The following KIAA1217 variants were observed in gnomAD, a reference collection of about 807,000 sequenced individuals.
KIAA1217 encodes the protein sickle tail protein homolog.
A neutral mutation model predicts 163.9 loss-of-function variants in KIAA1217; 88 were observed. That is an observed-to-expected ratio of 0.54 (90% confidence interval 0.45 to 0.64). KIAA1217 has a LOEUF of 0.64. Among genes scored for constraint, KIAA1217 ranks in the 30% least tolerant of loss-of-function variants. KIAA1217 has a pLI of 0.00. For missense variants in KIAA1217, 2,372 were observed against 2,475.0 expected (o/e 0.96, Z 0.88); for synonymous variants, 903 against 923.1 (o/e 0.98, Z 0.39).
intron 2 of KIAA1217, among the ~76,000 whole-genome samples, chr10:24,017,548 G>A (rs919837691): frequency 1.3e-5 from 2 of 151,988 alleles, no homozygotes; most frequent in South Asian, 2.1e-4. Context: ...GTAACATACT[G>A]GCTTAAATTC....
intron 1 of KIAA1217, among the ~76,000 whole-genome samples, chr10:23,784,495 GT>G (rs762108741): frequency 7.3e-5 from 11 of 151,404 alleles, no homozygotes; most frequent in South Asian, 2.1e-4. Flanking sequence ...TTTCTGTGGG[GT>G]TTTTTTTGTT....
intron 2 of KIAA1217, among the ~76,000 whole-genome samples, chr10:24,231,477 T>C (rs2071402129): frequency 6.6e-6 from 1 of 152,110 alleles, no homozygotes; most frequent in Admixed American, 6.6e-5. Flanking sequence ...TTTACAATAT[T>C]GTATGTGCGA....
At chr10:24,524,860 G>C (rs1319699258) in intron 13 of KIAA1217, 96 bp downstream of exon 13, 5 of 1,112,674 alleles carry the variant, frequency 4.5e-6, no homozygotes, top group Non-Finnish European at 6.3e-6. Context: ...TGACATGATT[G>C]TGTATGGATC....
At position 24,543,603 on chromosome 10, in the gene KIAA1217, A is replaced by G; in HGVS notation, c.4333A>G (p.Ile1445Val). 6.2e-7 allele frequency: 1 copy of G among 1,614,178 alleles called. No individual in the cohort carries two copies. The highest frequency in any genetic ancestry group is 2.2e-5 in the East Asian group (1 of 44,882). ...VVCLDKKPVIIIFDEPMDIRS... is the reference protein window; with the variant it reads ...VVCLDKKPVIVIFDEPMDIRS... ...GTGCCTGGACAAGAAACCAGTGATCATCATTTTCGATGAGCCCATGGACAT... is the reference window on the plus strand; with the variant it reads ...GTGCCTGGACAAGAAACCAGTGATCGTCATTTTCGATGAGCCCATGGACAT... Residue 1445 changes from isoleucine (I) to valine (V), a missense_variant, in exon 19 of 21, where the codon ATC (isoleucine) becomes GTC (valine). Ile to Val is a conservative substitution (Grantham distance 29). This residue lies in a region of KIAA1217 where 690 missense variants were observed against 677.5 expected (regional missense o/e 1.02). Transcript: ENST00000376454.
At chr10:24,121,492 T>G (rs2131778220) in intron 2 of KIAA1217, among the ~76,000 whole-genome samples, 2 of 152,324 alleles carry the variant, frequency 1.3e-5, no homozygotes, top group African/African-American at 4.8e-5. Flanking sequence ...TGAACTAGAT[T>G]GTCACTGGGA....
chr10:24,426,901 A>G (rs999293875), intron 3 of KIAA1217, among the ~76,000 whole-genome samples: 5 of 152,202 alleles, frequency 3.3e-5, no homozygotes, highest in Admixed American at 2.6e-4. Context: ...TTGAGGTCAC[A>G]TGGTGAATAT....
At chr10:24,494,657 A>G (rs1592387891) in intron 7 of KIAA1217, 53 bp downstream of exon 7, 1 of 1,186,828 alleles carries the variant, frequency 8.4e-7, no homozygotes, top group East Asian at 2.4e-5. Context: ...TTCTCTTTTA[A>G]TCATTAAGAT....
At chr10:24,136,973 G>C (rs1171552438) in intron 2 of KIAA1217, among the ~76,000 whole-genome samples, 1 of 152,134 alleles carries the variant, frequency 6.6e-6, no homozygotes, top group Non-Finnish European at 1.5e-5. Context: ...ATATACTCTG[G>C]CATCAGGGTC....
intron 1 of KIAA1217, among the ~76,000 whole-genome samples, chr10:23,947,705 T>C (rs997332790): frequency 2.6e-5 from 4 of 152,220 alleles, no homozygotes; most frequent in African/African-American, 9.6e-5. Flanking sequence ...TGTCAGGCAC[T>C]GCTCTTGGCA....
intron 1 of KIAA1217, among the ~76,000 whole-genome samples, chr10:23,972,248 A>C (rs1377440751): frequency 1.3e-5 from 2 of 152,218 alleles, no homozygotes; most frequent in Non-Finnish European, 2.9e-5. Context: ...TTATCCCAGC[A>C]ATCCCATTAC....
chr10:24,465,771 C>A (rs947010883), intron 5 of KIAA1217, among the ~76,000 whole-genome samples: 1 of 152,178 alleles, frequency 6.6e-6, no homozygotes, highest in African/African-American at 2.4e-5. Context: ...ACCTGTTCCC[C>A]TGGAAGATAC....
At chr10:23,741,246 A>G (rs1012213567) in intron 1 of KIAA1217, among the ~76,000 whole-genome samples, 2 of 152,122 alleles carry the variant, frequency 1.3e-5, no homozygotes, top group African/African-American at 4.8e-5. Flanking sequence ...TAAAAAGGAA[A>G]AAGTGAGGTG....
intron 1 of KIAA1217, among the ~76,000 whole-genome samples, chr10:23,990,340 G>C (rs1008141960): frequency 2.6e-4 from 39 of 152,122 alleles, no homozygotes; most frequent in African/African-American, 8.7e-4. Context: ...TGTCAGTTCT[G>C]CTTAAATCTT....
intron 1 of KIAA1217, among the ~76,000 whole-genome samples, chr10:23,992,591 A>G (rs1201888165): frequency 6.6e-6 from 1 of 151,036 alleles, no homozygotes; most frequent in African/African-American, 2.4e-5. Context: ...GAAAGGCCAG[A>G]ACAGGGCCAT....
chr10:24,213,996 AT>A (rs1330655750), intron 1 of KIAA1217, among the ~76,000 whole-genome samples: 1 of 151,260 alleles, frequency 6.6e-6, no homozygotes, highest in African/African-American at 2.4e-5. Context: ...ACAAAAAAAA[AT>A]GTTTTTAAAG....
chr10:24,093,615 A>AT lies in KIAA1217; in HGVS notation c.-171+86253dup, dbSNP rs1212050149. Among the ~76,000 whole-genome samples, 169 of 146,020 alleles carry AT rather than the reference A, an allele frequency of 1.2e-3. 5 individuals are homozygous for AT. The highest frequency in any genetic ancestry group is 2.6e-3 in the East Asian group (13 of 5,032). ...CACGGCACTTGGCACTCAACTAAGAATTTTTTTTTTTTCAGTTATAATGGT... is the reference window on the plus strand; with the variant it reads ...CACGGCACTTGGCACTCAACTAAGAATTTTTTTTTTTTTCAGTTATAATGGT... On this transcript the variant is annotated intron_variant, in intron 2 of 18. Coordinates refer to the KIAA1217 transcript ENST00000376462.
Position 24,287,298 on chromosome 10 carries a change from G to A in KIAA1217, c.354+67389G>A, listed in dbSNP as rs562751917. Among the ~76,000 whole-genome samples, 163 of 152,118 alleles carry A rather than the reference G, an allele frequency of 1.1e-3. 1 individual carries two copies. The highest frequency in any genetic ancestry group is 1.9e-3 in the Non-Finnish European group (131 of 68,020). ...ACTCCTGACCTCAAGTGATCCACCC[G>A]CCTCGGCCTCCCAAAGTGCTGGGGT... On this transcript the variant is annotated intron_variant, in intron 2 of 20. Coordinates refer to ENST00000376454, the MANE Select transcript of KIAA1217 (RefSeq NM_019590.5).
chr10:23,814,819 C>CA (rs11396330), intron 1 of KIAA1217, among the ~76,000 whole-genome samples: 42,665 of 146,070 alleles, frequency 0.29, 6,627 homozygotes, highest in African/African-American at 0.42. Flanking sequence ...AGTAGATAAC[C>CA]AAAAAAAAAA....
chr10:23,714,868 A>G (rs1402218384), intron 1 of KIAA1217, among the ~76,000 whole-genome samples: 3 of 152,082 alleles, frequency 2.0e-5, no homozygotes, highest in Admixed American at 6.6e-5. Flanking sequence ...TCTCCTCACC[A>G]TTACCCCAAG....
Sources: gnomAD v4.1 joint callset for allele counts (sites outside exome capture counted in the v4.1 genomes callset) on GRCh38, gnomAD v4.1.1 for gene constraint, gnomAD v4.1.1 regional missense constraint, MANE v1.5 for transcripts, NCBI Gene and HGNC (gene_info 2026-07-23, HGNC 2026-07-21) for gene names.